The following CTDP1 variants were observed in gnomAD, a reference collection of about 807,000 sequenced individuals.
CTDP1 encodes the protein CTD phosphatase 1.
In CTDP1, 47 loss-of-function variants were observed where a neutral mutation model predicts 91.8. The ratio of observed to expected loss-of-function variants is 0.51; its 90% CI spans 0.41 to 0.65. CTDP1 has a LOEUF of 0.65. Ranked by LOEUF, CTDP1 falls within the 30% of genes least tolerant of loss-of-function variation. The probability of loss-of-function intolerance (pLI) is 0.00; values close to 1 mark genes in which losing one functional copy is unlikely to be tolerated. For missense variants in CTDP1, 1,272 were observed against 1,373.7 expected (o/e 0.93, Z 1.17); for synonymous variants, 656 against 598.5 (o/e 1.10, Z -1.40).
At chr18:79,706,094 C>G (rs603957) in intron 5 of CTDP1, among the ~76,000 whole-genome samples, 1 of 152,046 alleles carries the variant, frequency 6.6e-6, no homozygotes, top group African/African-American at 2.4e-5. Context: ...TGGTGAGGTC[C>G]TGTGGACTCC....
chr18:79,698,727 G>A (rs1184695398), intron 4 of CTDP1, among the ~76,000 whole-genome samples: 1 of 152,098 alleles, frequency 6.6e-6, no homozygotes, highest in Non-Finnish European at 1.5e-5. Context: ...TCTGGCGTTA[G>A]ATTTGGGATT....
chr18:79,698,030 CG>C, intron 4 of CTDP1, 42 bp downstream of exon 4: 1 of 1,612,466 alleles, frequency 6.2e-7, no homozygotes. Flanking sequence ...CCAGGAACCG[CG>C]GGTCCTAGAA....
rs138214580 is a variant in CTDP1 at position 79,729,743 on chromosome 18, G to A, written c.2580+674G>A. The stretch of plus-strand genomic sequence containing the variant: ...CGGATGTTAGGGATGGGCGATCTGC[G>A]CAGCACCGTCCTTCGGAGACTGTTC... On this transcript the variant is annotated intron_variant, in intron 11 of 12. Transcript: ENST00000613122. Among the ~76,000 whole-genome samples the A allele has an allele frequency of 1.1e-3, 172 of 152,314 alleles. 1 individual carries two copies. The highest frequency in any genetic ancestry group is 3.8e-3 in the African/African-American group (156 of 41,572).
chr18:79,681,422 T>C, intron 1 of CTDP1: 1 of 980,590 alleles, frequency 1.0e-6, no homozygotes, highest in Non-Finnish European at 1.2e-6. Context: ...AATGCTGGTG[T>C]ATTCCCTGGA....
At chr18:79,736,100 G>A (rs1282953103) in intron 11 of CTDP1, 2 of 572,072 alleles carry the variant, frequency 3.5e-6, no homozygotes, top group Non-Finnish European at 6.3e-6. Context: ...TCACATAAGG[G>A]ACAGAAGGAA....
intron 11 of CTDP1, among the ~76,000 whole-genome samples, chr18:79,733,683 C>T (rs571134555): frequency 6.6e-6 from 1 of 152,322 alleles, no homozygotes; most frequent in South Asian, 2.1e-4. Context: ...GCTTCTCATG[C>T]TCAGGATGCT....
chr18:79,741,958 C>T (rs1157982964), intron 12 of CTDP1, among the ~76,000 whole-genome samples: 1 of 152,166 alleles, frequency 6.6e-6, no homozygotes, highest in Non-Finnish European at 1.5e-5. Context: ...TTATACATCC[C>T]AGAAGCACAA....
At chr18:79,753,465 G>T (rs8086389) in intron 12 of CTDP1, among the ~76,000 whole-genome samples, 187 bp from the exon 13 acceptor site, 1 of 152,136 alleles carries the variant, frequency 6.6e-6, no homozygotes, top group South Asian at 2.1e-4. Context: ...CTTCTCCTGC[G>T]CTGGGGCTCT....
Position 79,753,976 on chromosome 18 carries a change from A to G in CTDP1, c.*186A>G. The G allele has an allele frequency of 1.2e-6, 1 of 817,902 alleles. No homozygotes were observed. The highest frequency in any genetic ancestry group is 3.8e-4 in the Middle Eastern group (1 of 2,650). 50.7% of individuals were successfully genotyped at this position (817,902 alleles called of 1,614,324 possible). A position where few individuals can be genotyped will look rare whatever the true frequency, so the allele number is the denominator to read the frequency against. The stretch of plus-strand genomic sequence containing the variant: ...GTTTTTAAGAAGTTTTACTACAGGA[A>G]TGTCTACTTTTGTAAGTGACAGGTG... On this transcript the variant is annotated 3_prime_UTR_variant, in exon 13 of 13. Coordinates refer to ENST00000613122, the MANE Select transcript of CTDP1 (RefSeq NM_004715.5).
At chr18:79,690,782 T>C (rs1173616946) in intron 1 of CTDP1, among the ~76,000 whole-genome samples, 2 of 152,138 alleles carry the variant, frequency 1.3e-5, no homozygotes, top group Admixed American at 6.5e-5. Context: ...TCCAGGAGTG[T>C]CTCCAGCCAC....
At position 79,696,048 on chromosome 18, in the gene CTDP1, C is replaced by T. The variant is rs895424853; in HGVS notation, c.470C>T (p.Pro157Leu). 4 of 1,612,140 alleles carry T rather than the reference C, an allele frequency of 2.5e-6. No individual in the cohort carries two copies. The highest frequency in any genetic ancestry group is 3.4e-6 in the Non-Finnish European group (4 of 1,179,982). ...ACCGTGTCCATGGTGCACAGCGTGC[C>T]GGAGTTGATGGTGAGCTCCGAGGTG... Reference protein sequence around the residue: ...TATVSMVHSVPELMVSSEQAE... With the variant: ...TATVSMVHSVLELMVSSEQAE... The change falls in exon 3 of 13, where the codon CCG (proline) becomes CTG (leucine). Residue 157 changes from proline (P) to leucine (L), a missense_variant. Pro to Leu is a moderately conservative substitution (Grantham distance 98). Transcript: ENST00000613122.
At chr18:79,739,418 T>G (rs1293132868) in intron 12 of CTDP1, among the ~76,000 whole-genome samples, 1 of 151,788 alleles carries the variant, frequency 6.6e-6, no homozygotes, top group African/African-American at 2.4e-5. Context: ...TTTTTTTTTT[T>G]GCTAAATGAC....
At position 79,713,503 on chromosome 18, in the gene CTDP1, C is replaced by T. The variant is rs904275143; in HGVS notation, c.1030+365C>T. ...AGTGAATGTGGGGGCGGTGGCTCTG[C>T]GGGGAATAACCGTTCCCCATGCGCA... is the stretch of plus-strand genomic sequence containing the variant. On this transcript the variant is annotated intron_variant, in intron 7 of 12. Coordinates refer to ENST00000613122, the MANE Select transcript of CTDP1 (RefSeq NM_004715.5). The surrounding 1 kb of genome is among the most constrained non-coding windows in gnomAD (Gnocchi z 4.7). Among the ~76,000 whole-genome samples the T allele has an allele frequency of 2.6e-5, 4 of 152,186 alleles. No individual in the cohort carries two copies. The highest frequency in any genetic ancestry group is 9.7e-5 in the African/African-American group (4 of 41,446).
chr18:79,695,946 G>A, intron 2 of CTDP1, 31 bp from the exon 3 acceptor site: 1 of 1,593,804 alleles, frequency 6.3e-7, no homozygotes, highest in Non-Finnish European at 8.6e-7. Flanking sequence ...AGACTCAGCT[G>A]AAAGCCCTGA....
chr18:79,703,990 C>T (rs1412478459), intron 4 of CTDP1, among the ~76,000 whole-genome samples: 1 of 151,922 alleles, frequency 6.6e-6, no homozygotes, highest in Non-Finnish European at 1.5e-5. Flanking sequence ...TAGCTGTCAT[C>T]GGTGGTTATC....
At chr18:79,738,379 C>G (rs4798911) in intron 12 of CTDP1, among the ~76,000 whole-genome samples, 19,124 of 152,166 alleles carry the variant, frequency 0.13, 1,582 homozygotes, top group East Asian at 0.42. Flanking sequence ...GTCTCCAGAG[C>G]CTTCTTGCAT....
intron 11 of CTDP1, among the ~76,000 whole-genome samples, chr18:79,733,261 C>T (rs1181091602): frequency 6.6e-6 from 1 of 151,924 alleles, no homozygotes; most frequent in Non-Finnish European, 1.5e-5. Context: ...GATCCTCGCG[C>T]CGCAGCCTCG....
Position 79,706,802 on chromosome 18 carries a change from C to T in CTDP1, c.772+1885C>T, listed in dbSNP as rs533719239. Among the ~76,000 whole-genome samples the T allele has an allele frequency of 3.9e-5, 6 of 152,350 alleles. No homozygotes were observed. In the South Asian group the frequency reaches 1.2e-3, roughly 32 times the overall value. On this transcript the variant is annotated intron_variant, in intron 5 of 12. Transcript: ENST00000613122. Reference sequence around the variant, plus strand: ...CCCCAGGACTGTGAGGACTGCACGCCGCATGGCCTGCTCCCTGGGAGGGTG... The same window carrying T: ...CCCCAGGACTGTGAGGACTGCACGCTGCATGGCCTGCTCCCTGGGAGGGTG...
rs148191363 is a variant in CTDP1 at position 79,717,554 on chromosome 18, G to C, written c.2088G>C (p.Gln696His). ...CTGCAGGCACAGAGAAGGTGCTGCAGGCACAGGAGTGCGGACACCTGCACG... is the reference window on the plus strand; with the variant it reads ...CTGCAGGCACAGAGAAGGTGCTGCACGCACAGGAGTGCGGACACCTGCACG... Reference protein sequence around the residue: ...AARAGTEKVLQAQECGHLHVV... With the variant: ...AARAGTEKVLHAQECGHLHVV... The change falls in exon 9 of 13, where the codon CAG becomes CAC. Residue 696 changes from glutamine (Q) to histidine (H), a missense_variant. Physicochemically the swap from Gln to His is conservative, Grantham distance 24. This residue lies in a region of CTDP1 where 881 missense variants were observed against 911.6 expected (regional missense o/e 0.97). Coordinates refer to ENST00000613122, the MANE Select transcript of CTDP1 (RefSeq NM_004715.5). 2.5e-6 allele frequency: 4 copies of C among 1,613,446 alleles called. No homozygotes were observed. In the African/African-American group the frequency reaches 5.3e-5, roughly 22 times the overall value.
Sources: allele counts gnomAD v4.1 joint callset (sites outside exome capture counted in the v4.1 genomes callset), GRCh38; gene constraint gnomAD v4.1.1; regional missense constraint gnomAD v4.1.1; non-coding constraint Gnocchi (gnomAD v3.1); transcripts MANE v1.5; gene names NCBI Gene and HGNC (gene_info 2026-07-23, HGNC 2026-07-21).